MACROD2: variants seen among roughly 807,000 people sequenced by gnomAD.
MACROD2 encodes the protein mono-ADP ribosylhydrolase 2.
Under a neutral mutation model 70.4 loss-of-function variants are expected in MACROD2, and 36 were observed. The observed-to-expected ratio is 0.51, with a 90% CI of 0.39 to 0.68. MACROD2 has a LOEUF of 0.68. Among genes scored for constraint, MACROD2 ranks in the 30% least tolerant of loss-of-function variants. The probability of loss-of-function intolerance (pLI) is 0.00; values close to 1 mark genes in which losing one functional copy is unlikely to be tolerated. For missense variants in MACROD2, 496 were observed against 538.4 expected (o/e 0.92, Z 0.78); for synonymous variants, 172 against 178.8 (o/e 0.96, Z 0.30).
At chr20:15,504,195 T>G (rs1033157211) in intron 8 of MACROD2, among the ~76,000 whole-genome samples, 7 of 152,134 alleles carry the variant, frequency 4.6e-5, no homozygotes, top group African/African-American at 1.4e-4. Context: ...AGGGGGAAAA[T>G]CATATTCTGT....
chr20:14,523,921 A>G (rs2085198809), intron 4 of MACROD2, among the ~76,000 whole-genome samples: 1 of 152,176 alleles, frequency 6.6e-6, no homozygotes, highest in Non-Finnish European at 1.5e-5. Flanking sequence ...ATCCTTCCTG[A>G]GGATATGCCA....
intron 5 of MACROD2, among the ~76,000 whole-genome samples, chr20:15,205,838 T>C (rs1263051795): frequency 6.6e-6 from 1 of 152,368 alleles, no homozygotes; most frequent in East Asian, 1.9e-4. Flanking sequence ...ATACTCCAGC[T>C]TTTGTTAAAG....
At chr20:15,096,274 C>T (rs185847371) in intron 5 of MACROD2, among the ~76,000 whole-genome samples, 45 of 152,062 alleles carry the variant, frequency 3.0e-4, no homozygotes, top group African/African-American at 1.1e-3. Flanking sequence ...CTGCAGGGTA[C>T]TCTAGGATTC....
chr20:14,631,793 A>T (rs1000250842), intron 4 of MACROD2: 1 of 152,152 alleles, frequency 6.6e-6, no homozygotes, highest in Admixed American at 6.5e-5. Context: ...AAAGAAAAAG[A>T]AAAACCAATT....
chr20:14,516,866 A>T, intron 4 of MACROD2, among the ~76,000 whole-genome samples: 1 of 152,228 alleles, frequency 6.6e-6, no homozygotes, highest in East Asian at 1.9e-4. Context: ...CCCCATCAAA[A>T]AGTGGACAAA....
chr20:15,760,894 A>G (rs548072510), intron 8 of MACROD2, among the ~76,000 whole-genome samples: 6 of 152,342 alleles, frequency 3.9e-5, no homozygotes, highest in African/African-American at 9.6e-5. Flanking sequence ...TTACCACAGA[A>G]GGAGAAAAAA....
chr20:14,195,408 C>T (rs2081422224), intron 3 of MACROD2, among the ~76,000 whole-genome samples: 1 of 152,050 alleles, frequency 6.6e-6, no homozygotes, highest in African/African-American at 2.4e-5. Context: ...AGGGCATGGT[C>T]CCTTTCAATG....
At chr20:14,131,631 C>T (rs1027727409) in intron 3 of MACROD2, among the ~76,000 whole-genome samples, 6 of 152,042 alleles carry the variant, frequency 3.9e-5, no homozygotes, top group African/African-American at 9.7e-5. Context: ...ATGTAGACTC[C>T]GAAGAGACCT....
chr20:14,292,876 C>T (rs191254691), intron 3 of MACROD2, among the ~76,000 whole-genome samples: 6 of 151,978 alleles, frequency 3.9e-5, no homozygotes, highest in African/African-American at 1.5e-4. Context: ...CTCAGGTGAT[C>T]CGCCTGCCTT....
intron 7 of MACROD2, among the ~76,000 whole-genome samples, chr20:15,453,423 T>C (rs945826577): frequency 6.6e-6 from 1 of 152,180 alleles, no homozygotes; most frequent in Non-Finnish European, 1.5e-5. Context: ...TTATTTTGAT[T>C]TGTTTTTAAA....
chr20:14,356,887 GATGGGGGTCTCT>G (rs1258224160), intron 3 of MACROD2, among the ~76,000 whole-genome samples: 3 of 152,184 alleles, frequency 2.0e-5, no homozygotes, highest in African/African-American at 7.2e-5. Flanking sequence ...AGAGCTGTGT[GATGGGGGTCTCT>G]ATTTTCTCCA....
intron 3 of MACROD2, among the ~76,000 whole-genome samples, chr20:14,466,328 G>T (rs541792392): frequency 1.3e-5 from 2 of 152,034 alleles, no homozygotes; most frequent in African/African-American, 4.8e-5. Context: ...GATTGCATTG[G>T]TTACTGAGGC....
At chr20:15,340,660 A>G (rs1024636546) in intron 6 of MACROD2, among the ~76,000 whole-genome samples, 5 of 152,218 alleles carry the variant, frequency 3.3e-5, no homozygotes, top group East Asian at 1.9e-4. Context: ...TATGGAACAC[A>G]CATAGACTTT....
At chr20:15,965,578 A>G (rs918104294) in intron 12 of MACROD2, among the ~76,000 whole-genome samples, 2 of 152,198 alleles carry the variant, frequency 1.3e-5, no homozygotes, top group African/African-American at 4.8e-5. Context: ...ATGTGGTACA[A>G]GACTAAATAT....
chr20:15,078,976 G>A (rs1053945083), intron 5 of MACROD2, among the ~76,000 whole-genome samples: 1 of 151,956 alleles, frequency 6.6e-6, no homozygotes, highest in Non-Finnish European at 1.5e-5. Context: ...GTGAGGCCTG[G>A]CTGTCTCCAA....
intron 3 of MACROD2, among the ~76,000 whole-genome samples, chr20:14,177,114 A>G (rs549191580): frequency 6.6e-6 from 1 of 152,268 alleles, no homozygotes; most frequent in South Asian, 2.1e-4. Flanking sequence ...TTAGTGTACA[A>G]ACTTAATGCA....
chr20:15,574,416 C>CT (rs1399789906), intron 8 of MACROD2, among the ~76,000 whole-genome samples: 2 of 151,974 alleles, frequency 1.3e-5, no homozygotes, highest in African/African-American at 2.4e-5. Flanking sequence ...ATTTAGTTGG[C>CT]TTTTTTCATA....
chr20:15,617,425 C>T lies in MACROD2; in HGVS notation c.645+117578C>T, dbSNP rs181428238. Reference sequence around the variant, plus strand: ...GGCCAATAAAGTTTATGAACTAGATCCCGTCACAAAACTTAGATTGAAAAC... The same window carrying T: ...GGCCAATAAAGTTTATGAACTAGATTCCGTCACAAAACTTAGATTGAAAAC... On this transcript the variant is annotated intron_variant, in intron 8 of 17. Coordinates refer to ENST00000684519, the MANE Select transcript of MACROD2 (RefSeq NM_001351661.2). Among the ~76,000 whole-genome samples, 182 of 152,226 alleles carry T rather than the reference C, an allele frequency of 1.2e-3. 2 individuals are homozygous for T. Among genetic ancestry groups the T allele is most frequent in the Admixed American group, 4.8e-3 (73 of 15,294 alleles).
intron 15 of MACROD2, among the ~76,000 whole-genome samples, chr20:16,032,906 C>G (rs1353919434): frequency 6.6e-6 from 1 of 151,860 alleles, no homozygotes; most frequent in East Asian, 1.9e-4. Context: ...TCTGGACACC[C>G]TATCTACTAA....
Sources: allele counts gnomAD v4.1 joint callset (sites outside exome capture counted in the v4.1 genomes callset), GRCh38; gene constraint gnomAD v4.1.1; transcripts MANE v1.5; gene names NCBI Gene and HGNC (gene_info 2026-07-23, HGNC 2026-07-21).